DHRSX: variants seen among roughly 807,000 people sequenced by gnomAD.
DHRSX encodes dehydrogenase/reductase X-linked.
In DHRSX, 31 loss-of-function variants were observed where a neutral mutation model predicts 34.0. The observed-to-expected ratio is 0.91, with a 90% CI of 0.69 to 1.23. The LOEUF is 1.23. DHRSX is among the 50% of genes most tolerant of loss of function. The pLI is 0.00. For synonymous variants in DHRSX, 201 were observed against 183.8 expected, an observed-to-expected ratio of 1.09 and a Z score of -0.76; for missense variants, 414 against 428.1, an observed-to-expected ratio of 0.97 and a Z score of 0.29.
At chrX:2,314,451 A>AAGGG (rs1229579860) in intron 3 of DHRSX, among the ~76,000 whole-genome samples, 1 of 98,282 alleles carries the variant, frequency 1.0e-5, no homozygotes, top group South Asian at 3.7e-4. Flanking sequence ...GGAAGGGGAG[A>AAGGG]AGGGAGGAAG....
chrX:2,475,984 C>T (rs991192950), intron 1 of DHRSX, among the ~76,000 whole-genome samples: 1 of 152,208 alleles, frequency 6.6e-6, no homozygotes, highest in African/African-American at 2.4e-5. Context: ...ACTTGATTCA[C>T]ACCAAGGAAG....
At chrX:2,415,697 G>A (rs1376705357) in intron 2 of DHRSX, among the ~76,000 whole-genome samples, 2 of 148,256 alleles carry the variant, frequency 1.3e-5, no homozygotes, top group Non-Finnish European at 3.0e-5. Context: ...ACCTCATCAT[G>A]ACTGAATATG....
intron 1 of DHRSX, among the ~76,000 whole-genome samples, chrX:2,461,522 CT>C (rs1048734392): frequency 1.3e-5 from 2 of 152,184 alleles, no homozygotes; most frequent in Non-Finnish European, 2.9e-5. Context: ...ACAAGCACAA[CT>C]TCTGCTTAAT....
intron 5 of DHRSX, among the ~76,000 whole-genome samples, chrX:2,246,624 A>G (rs1243172773): frequency 2.0e-5 from 3 of 151,426 alleles, no homozygotes; most frequent in Non-Finnish European, 4.4e-5. Flanking sequence ...GTCTGTCAAA[A>G]AAAGAAAGAA....
intron 6 of DHRSX, among the ~76,000 whole-genome samples, chrX:2,231,712 CTT>C (rs369016684): frequency 2.0e-5 from 3 of 149,096 alleles, no homozygotes; most frequent in Admixed American, 6.7e-5. Flanking sequence ...CTCTATTCCT[CTT>C]TTTTTCTCCT....
chrX:2,493,578 G>A (rs763129865), intron 1 of DHRSX, among the ~76,000 whole-genome samples: 2 of 152,054 alleles, frequency 1.3e-5, no homozygotes, highest in South Asian at 2.1e-4. Flanking sequence ...GGCTGGAAGA[G>A]GTCCCAGTAC....
chrX:2,244,953 G>C (rs1198414443), intron 5 of DHRSX, among the ~76,000 whole-genome samples: 3 of 151,934 alleles, frequency 2.0e-5, no homozygotes, highest in Non-Finnish European at 4.4e-5. Context: ...CACGTGATCT[G>C]CCCACCTCGG....
At chrX:2,244,787 C>T (rs1345566159) in intron 5 of DHRSX, among the ~76,000 whole-genome samples, 3 of 152,062 alleles carry the variant, frequency 2.0e-5, no homozygotes, top group African/African-American at 7.2e-5. Context: ...TCTCGGCTCA[C>T]TGCAAGCTCC....
chrX:2,331,224 C>A (rs1273839027), intron 3 of DHRSX, among the ~76,000 whole-genome samples: 1 of 152,016 alleles, frequency 6.6e-6, no homozygotes, highest in African/African-American at 2.4e-5. Flanking sequence ...AGTTCAGCCC[C>A]ATCTTCAACC....
chrX:2,292,193 T>C lies in DHRSX; in HGVS notation c.287-590A>G, dbSNP rs759169482. The stretch of plus-strand genomic sequence containing the variant: ...CTGACCTTGATGTGAGCTGATGTTT[T>C]GTGAGAGCGCCTTGGGGCCAGAACC... On this transcript the variant is annotated intron_variant, in intron 3 of 6. Coordinates refer to ENST00000334651, the MANE Select transcript of DHRSX (RefSeq NM_145177.3). Among the ~76,000 whole-genome samples the C allele has an allele frequency of 3.5e-3, 539 of 152,322 alleles. 2 individuals carry two copies. Among genetic ancestry groups the C allele is most frequent in the African/African-American group, 0.012 (507 of 41,578 alleles).
chrX:2,453,516 T>A (rs973935126), intron 1 of DHRSX, among the ~76,000 whole-genome samples: 4 of 150,994 alleles, frequency 2.6e-5, no homozygotes, highest in Non-Finnish European at 3.0e-5. Context: ...TACAAAAAAT[T>A]TAAAAATTAA....
chrX:2,490,654 C>T, intron 1 of DHRSX: 1 of 1,613,962 alleles, frequency 6.2e-7, no homozygotes. Flanking sequence ...ACACCTTGCT[C>T]TTGGCGCGGG....
chrX:2,325,499 G>A (rs1182129814), intron 3 of DHRSX, among the ~76,000 whole-genome samples: 2 of 152,218 alleles, frequency 1.3e-5, no homozygotes, highest in African/African-American at 2.4e-5. Flanking sequence ...TCAGCCACAT[G>A]TAAAGTAAGA....
chrX:2,340,156 G>A (rs113154844), intron 3 of DHRSX, among the ~76,000 whole-genome samples: 50,047 of 150,532 alleles, frequency 0.33, 12,136 homozygotes, highest in African/African-American at 0.69. Context: ...ACATGGACAC[G>A]GGGAGGGGAA....
intron 3 of DHRSX, among the ~76,000 whole-genome samples, chrX:2,321,356 C>T (rs965264592): frequency 2.0e-4 from 30 of 152,052 alleles, no homozygotes; most frequent in African/African-American, 5.3e-4. Context: ...AGGGAAGAGG[C>T]GTTGGTGTCC....
At chrX:2,282,800 A>AG (rs2041737591) in intron 4 of DHRSX, among the ~76,000 whole-genome samples, 1 of 38,728 alleles carries the variant, frequency 2.6e-5, no homozygotes, top group African/African-American at 9.6e-5. Context: ...GAGAAGAAAG[A>AG]GAGAAGAGAG....
At chrX:2,288,689 C>T (rs1411217475) in intron 4 of DHRSX, among the ~76,000 whole-genome samples, 1 of 152,114 alleles carries the variant, frequency 6.6e-6, no homozygotes, top group Admixed American at 6.6e-5. Context: ...AGGCATTGAG[C>T]GAAGGTAAAA....
chrX:2,233,490 T>C (rs2015944570), intron 6 of DHRSX, among the ~76,000 whole-genome samples: 2 of 152,028 alleles, frequency 1.3e-5, no homozygotes, highest in Admixed American at 1.3e-4. Flanking sequence ...AGAGCATCTT[T>C]GAAGTTCCAG....
intron 5 of DHRSX, among the ~76,000 whole-genome samples, chrX:2,249,931 A>T (rs2016397292): frequency 6.6e-6 from 1 of 151,912 alleles, no homozygotes. Context: ...TGGGAGGCCA[A>T]GGCTGGCAGA....
Sources: allele counts gnomAD v4.1 joint callset (sites outside exome capture counted in the v4.1 genomes callset), GRCh38; gene constraint gnomAD v4.1.1; transcripts MANE v1.5; gene names NCBI Gene and HGNC (gene_info 2026-07-23, HGNC 2026-07-21).